DIAPH2: variants seen among roughly 807,000 people sequenced by gnomAD.
DIAPH2 encodes the protein diaphanous related formin 2.
DIAPH2 carries 35 observed loss-of-function variants against 92.7 expected under a neutral mutation model. The ratio of observed to expected loss-of-function variants is 0.38; its 90% CI spans 0.29 to 0.50. DIAPH2 has a LOEUF of 0.50. DIAPH2 is among the 20% of genes least tolerant of loss of function. The pLI, the probability that DIAPH2 is intolerant of heterozygous loss-of-function variation, is 0.94. For synonymous variants in DIAPH2, 301 were observed against 280.4 expected (o/e 1.07, Z -0.73); for missense variants, 701 against 819.5 (o/e 0.86, Z 1.77).
intron 17 of DIAPH2, among the ~76,000 whole-genome samples, chrX:97,007,104 T>G (rs1161993419): frequency 9.0e-6 from 1 of 111,652 alleles, no homozygotes; most frequent in African/African-American, 3.3e-5. Context: ...TAACTTTTTG[T>G]TTTTTCTCTT....
chrX:97,086,787 G>A (rs1164088820), intron 19 of DIAPH2, among the ~76,000 whole-genome samples: 4 of 111,302 alleles, frequency 3.6e-5, no homozygotes, highest in Non-Finnish European at 7.5e-5. Flanking sequence ...GCTCAGAGAG[G>A]TTTACATCAC....
intron 25 of DIAPH2, among the ~76,000 whole-genome samples, chrX:97,390,029 A>G (rs993432479): frequency 1.2e-4 from 13 of 110,266 alleles, no homozygotes; most frequent in Non-Finnish European, 2.1e-4. Flanking sequence ...GTTGTTATCT[A>G]CACAGCAGTT....
At chrX:97,004,817 C>A (rs774301545) in intron 17 of DIAPH2, among the ~76,000 whole-genome samples, 1 of 111,921 alleles carries the variant, frequency 8.9e-6, no homozygotes, top group East Asian at 2.8e-4. Context: ...ATTGCTCTAG[C>A]TAGGGCTTCC....
intron 4 of DIAPH2, among the ~76,000 whole-genome samples, chrX:96,760,749 T>G (rs1387385069): frequency 9.0e-6 from 1 of 111,385 alleles, no homozygotes; most frequent in Non-Finnish European, 1.9e-5. Flanking sequence ...AAAAGGAGAC[T>G]ATAAAGGAAA....
chrX:97,044,688 G>A, intron 17 of DIAPH2, among the ~76,000 whole-genome samples: 1 of 110,866 alleles, frequency 9.0e-6, no homozygotes, highest in Non-Finnish European at 1.9e-5. Flanking sequence ...ATCATTTTCA[G>A]CAGCATACTA....
intron 26 of DIAPH2, among the ~76,000 whole-genome samples, chrX:97,476,935 ACT>A (rs1280702335): frequency 1.4e-5 from 1 of 73,548 alleles, no homozygotes; most frequent in African/African-American, 5.6e-5. Context: ...CAAGAGCAAA[ACT>A]CTGTCTCAAA....
intron 4 of DIAPH2, among the ~76,000 whole-genome samples, chrX:96,871,766 T>G (rs1437060193): frequency 2.7e-5 from 3 of 112,384 alleles, no homozygotes; most frequent in Non-Finnish European, 5.6e-5. Context: ...CATAAACACA[T>G]ATGTTCACAC....
At chrX:97,550,141 C>T (rs2071209670) in intron 26 of DIAPH2, among the ~76,000 whole-genome samples, 1 of 112,085 alleles carries the variant, frequency 8.9e-6, no homozygotes, top group Non-Finnish European at 1.9e-5. Flanking sequence ...GGTGGATCAC[C>T]TGAGGTCAGG....
At chrX:96,890,782 G>A (rs1490768917) in intron 5 of DIAPH2, among the ~76,000 whole-genome samples, 4 of 112,094 alleles carry the variant, frequency 3.6e-5, no homozygotes, top group African/African-American at 1.3e-4. Flanking sequence ...CTCTAAGAAA[G>A]TCATTTTGGT....
chrX:97,284,996 C>T (rs1197096055), intron 23 of DIAPH2, among the ~76,000 whole-genome samples: 1 of 111,389 alleles, frequency 9.0e-6, no homozygotes, highest in Non-Finnish European at 1.9e-5. Flanking sequence ...ATATCAGTTT[C>T]CTAATCTTGC....
At position 97,108,100 on chromosome X, in the gene DIAPH2, A is replaced by C. The variant is rs1229693785; in HGVS notation, c.2350-6626A>C. On this transcript the variant is annotated intron_variant, in intron 20 of 26. Transcript: ENST00000324765. ...GTGTAAAATTCAAATTATATAAACA[A>C]AACTGTGTCTAACTCTTTGGGGAAA... Among the ~76,000 whole-genome samples, 13 of 110,945 alleles carry C rather than the reference A, an allele frequency of 1.2e-4. No homozygotes were observed. The Admixed American group carries it at 1.2e-3, about 11-fold the overall frequency.
chrX:97,503,518 A>C (rs1381256323), intron 26 of DIAPH2, among the ~76,000 whole-genome samples: 2 of 112,087 alleles, frequency 1.8e-5, no homozygotes, highest in Non-Finnish European at 3.8e-5. Flanking sequence ...GTCATGTAGC[A>C]AACTAACGAC....
chrX:97,510,394 A>G (rs2070878359), intron 26 of DIAPH2, among the ~76,000 whole-genome samples: 1 of 111,538 alleles, frequency 9.0e-6, no homozygotes, highest in African/African-American at 3.3e-5. Context: ...AGTTCATTGT[A>G]GATTCTGGAT....
At chrX:96,899,518 G>T (rs1039884925) in intron 5 of DIAPH2, among the ~76,000 whole-genome samples, 1 of 110,797 alleles carries the variant, frequency 9.0e-6, no homozygotes, top group Admixed American at 9.6e-5. Context: ...TCATGATTTG[G>T]CTCTCTGTTC....
At chrX:96,709,276 G>A (rs1043642740) in intron 1 of DIAPH2, among the ~76,000 whole-genome samples, 12 of 111,863 alleles carry the variant, frequency 1.1e-4, no homozygotes, top group African/African-American at 3.9e-4. Context: ...AGTGGTAATT[G>A]CTATTGTAAC....
At chrX:97,315,690 C>G (rs1195514358) in intron 23 of DIAPH2, among the ~76,000 whole-genome samples, 1 of 108,142 alleles carries the variant, frequency 9.2e-6, no homozygotes, top group Non-Finnish European at 1.9e-5. Context: ...TAAACCACAG[C>G]TGTAATAGAA....
At chrX:96,875,303 TG>T (rs1388264381) in intron 4 of DIAPH2, among the ~76,000 whole-genome samples, 1 of 111,887 alleles carries the variant, frequency 8.9e-6, no homozygotes, top group Non-Finnish European at 1.9e-5. Flanking sequence ...TCTAAATATT[TG>T]TTCTGTGATG....
chrX:97,030,293 G>A (rs1257401574), intron 17 of DIAPH2, among the ~76,000 whole-genome samples: 1 of 111,494 alleles, frequency 9.0e-6, no homozygotes, highest in African/African-American at 3.3e-5. Context: ...TATAATTAAC[G>A]AGACTATTAT....
intron 24 of DIAPH2, among the ~76,000 whole-genome samples, chrX:97,362,910 T>G (rs2147707251): frequency 8.9e-6 from 1 of 112,578 alleles, no homozygotes; most frequent in African/African-American, 3.2e-5. Context: ...AGATTTAGAT[T>G]TTAACAGTGT....
Sources: allele counts gnomAD v4.1 joint callset (sites outside exome capture counted in the v4.1 genomes callset), GRCh38; gene constraint gnomAD v4.1.1; transcripts MANE v1.5; gene names NCBI Gene and HGNC (gene_info 2026-07-23, HGNC 2026-07-21).